RBFOX1: variants seen among roughly 807,000 people sequenced by gnomAD.
RBFOX1 encodes the protein RNA binding protein fox-1 homolog 1.
RBFOX1 carries 8 observed loss-of-function variants against 57.7 expected under a neutral mutation model. That is an observed-to-expected ratio of 0.14 (90% confidence interval 0.08 to 0.25). RBFOX1 has a LOEUF of 0.25. Among genes scored for constraint, RBFOX1 ranks in the 10% least tolerant of loss-of-function variants. RBFOX1 has a pLI of 1.00. For missense variants in RBFOX1, 611 were observed against 548.5 expected (o/e 1.11, Z -1.14); for synonymous variants, 326 against 222.4 (o/e 1.47, Z -4.15).
At chr16:7,418,021 T>C (rs1464648784) in intron 4 of RBFOX1, among the ~76,000 whole-genome samples, 1 of 151,744 alleles carries the variant, frequency 6.6e-6, no homozygotes, top group Non-Finnish European at 1.5e-5. Flanking sequence ...TGTGTGGAGG[T>C]CCTCTATAGA....
At chr16:6,965,915 A>C (rs1220397079) in intron 3 of RBFOX1, among the ~76,000 whole-genome samples, 1 of 152,196 alleles carries the variant, frequency 6.6e-6, no homozygotes, top group East Asian at 1.9e-4. Flanking sequence ...AAATAGTAGC[A>C]GAGTTGGCAT....
intron 3 of RBFOX1, among the ~76,000 whole-genome samples, chr16:5,789,122 G>A (rs896461569): frequency 1.3e-5 from 2 of 152,172 alleles, no homozygotes; most frequent in African/African-American, 4.8e-5. Context: ...CACCAAGTAA[G>A]AAGGCCTGTC....
chr16:7,023,890 G>A (rs2040098227), intron 3 of RBFOX1, among the ~76,000 whole-genome samples: 2 of 152,172 alleles, frequency 1.3e-5, no homozygotes, highest in Non-Finnish European at 2.9e-5. Context: ...AAAGTATATC[G>A]AGTTTGGAAA....
In RBFOX1 at chr16:5,555,461, G is replaced by T. The variant is rs2045632901; in HGVS notation, c.259-43441G>T. The stretch of plus-strand genomic sequence containing the variant: ...AGACGCGGTTTCGCCATCTTGACCA[G>T]GCTGGTCTTGAACTCCTGACCTCAG... On this transcript the variant is annotated intron_variant, in intron 2 of 2. Transcript: ENST00000585867. Among the ~76,000 whole-genome samples the T allele has an allele frequency of 2.0e-5, 3 of 151,802 alleles. No homozygotes were observed. The South Asian group carries it at 6.3e-4, about 32-fold the overall frequency.
intron 1 of RBFOX1, among the ~76,000 whole-genome samples, chr16:6,088,771 A>G (rs2096126048): frequency 1.3e-5 from 2 of 151,966 alleles, no homozygotes; most frequent in Non-Finnish European, 2.9e-5. Context: ...AATTTCCTGA[A>G]GAAGGGGTTT....
chr16:7,221,359 A>ATTTATTTATTTT (rs2092715552), intron 4 of RBFOX1, among the ~76,000 whole-genome samples: 1 of 150,082 alleles, frequency 6.7e-6, no homozygotes, highest in African/African-American at 2.5e-5. Flanking sequence ...TTATTTATTT[A>ATTTATTTATTTT]TTTATTTTTT....
intron 4 of RBFOX1, among the ~76,000 whole-genome samples, chr16:7,236,222 A>T (rs763882739): frequency 6.6e-6 from 1 of 152,220 alleles, no homozygotes; most frequent in African/African-American, 2.4e-5. Context: ...CAAGAGTTAT[A>T]TTTAGATCTG....
At chr16:6,797,711 A>G (rs1168467006) in intron 3 of RBFOX1, among the ~76,000 whole-genome samples, 4 of 152,106 alleles carry the variant, frequency 2.6e-5, no homozygotes, top group Non-Finnish European at 5.9e-5. Context: ...ATAGGCATTA[A>G]AGTTCTGGTG....
chr16:7,356,419 G>C (rs563781885), intron 4 of RBFOX1, among the ~76,000 whole-genome samples: 3 of 152,316 alleles, frequency 2.0e-5, no homozygotes, highest in African/African-American at 7.2e-5. Context: ...CTGAAAGCAA[G>C]AAGGAGCATC....
chr16:7,654,500 C>T (rs542630686), intron 12 of RBFOX1, among the ~76,000 whole-genome samples: 1 of 152,286 alleles, frequency 6.6e-6, no homozygotes, highest in South Asian at 2.1e-4. Flanking sequence ...TTGCGTTTTC[C>T]AAAATGGCAT....
chr16:5,257,157 C>G (rs754911586), intron 1 of RBFOX1, among the ~76,000 whole-genome samples: 5 of 67,632 alleles, frequency 7.4e-5, no homozygotes, highest in African/African-American at 2.8e-4. Flanking sequence ...AACCAAGAAA[C>G]AAACAAACAA....
At chr16:7,510,381 T>C (rs2152034970) in intron 4 of RBFOX1, 1 of 968,554 alleles carries the variant, frequency 1.0e-6, no homozygotes, top group East Asian at 1.1e-4. Context: ...TGAAAGCTTT[T>C]CTTGTGTTAA....
At chr16:6,854,587 ATTTTTT>A (rs71147611) in intron 3 of RBFOX1, among the ~76,000 whole-genome samples, 1 of 70,650 alleles carries the variant, frequency 1.4e-5, no homozygotes, top group Non-Finnish European at 2.6e-5. Context: ...GGAGAGGTGA[ATTTTTT>A]TTTTTTTTTT....
At chr16:6,703,812 C>G (rs1168345752) in intron 3 of RBFOX1, 1 of 152,334 alleles carries the variant, frequency 6.6e-6, no homozygotes, top group Non-Finnish European at 1.5e-5. Flanking sequence ...CTGCTGACTG[C>G]CATCTGGGTG....
chr16:5,723,114 C>T (rs990513433), intron 3 of RBFOX1, among the ~76,000 whole-genome samples: 2 of 152,158 alleles, frequency 1.3e-5, no homozygotes, highest in African/African-American at 2.4e-5. Context: ...TTCCTTTTAC[C>T]TCAGAGTCAT....
chr16:7,246,857 A>G (rs966610602), intron 4 of RBFOX1, among the ~76,000 whole-genome samples: 3 of 152,090 alleles, frequency 2.0e-5, no homozygotes, highest in Non-Finnish European at 4.4e-5. Context: ...TCAGAGTCAA[A>G]GTTGAACTCC....
chr16:7,362,352 T>C (rs2097342964), intron 4 of RBFOX1, among the ~76,000 whole-genome samples: 1 of 149,770 alleles, frequency 6.7e-6, no homozygotes, highest in African/African-American at 2.5e-5. Flanking sequence ...TGTATGTGTG[T>C]TTGTGTGTAT....
At chr16:5,246,075 C>G (rs2062292125) in intron 1 of RBFOX1, among the ~76,000 whole-genome samples, 1 of 152,112 alleles carries the variant, frequency 6.6e-6, no homozygotes, top group Non-Finnish European at 1.5e-5. Context: ...GAAACTGTCT[C>G]TACTAAAAAT....
chr16:5,619,956 C>T (rs1310762257), intron 3 of RBFOX1, among the ~76,000 whole-genome samples: 2 of 150,226 alleles, frequency 1.3e-5, no homozygotes, highest in African/African-American at 4.9e-5. Context: ...TATTAAATCT[C>T]TGTGCAGATA....
Sources: allele counts gnomAD v4.1 joint callset (sites outside exome capture counted in the v4.1 genomes callset), GRCh38; gene constraint gnomAD v4.1.1; transcripts MANE v1.5; gene names NCBI Gene and HGNC (gene_info 2026-07-23, HGNC 2026-07-21).